Variants in EXT2 observed in about 807,000 individuals in gnomAD.
EXT2 encodes exostosin-2.
In EXT2, 53 loss-of-function variants were observed where a neutral mutation model predicts 81.6. The ratio of observed to expected loss-of-function variants is 0.65; its 90% CI spans 0.52 to 0.82. EXT2 has a LOEUF of 0.82. EXT2 is among the 40% of genes least tolerant of loss of function. EXT2 has a pLI of 0.00. For synonymous variants in EXT2, 320 were observed against 340.0 expected, an observed-to-expected ratio of 0.94 and a Z score of 0.65; for missense variants, 774 against 910.2, an observed-to-expected ratio of 0.85 and a Z score of 1.93.
At chr11:44,145,493 G>A (rs1443992642) in intron 7 of EXT2, among the ~76,000 whole-genome samples, 1 of 152,070 alleles carries the variant, frequency 6.6e-6, no homozygotes, top group African/African-American at 2.4e-5. Context: ...TATGGTCATG[G>A]GTATTTTCAT....
intron 13 of EXT2, among the ~76,000 whole-genome samples, chr11:44,242,877 T>C (rs1337969655): frequency 6.6e-6 from 1 of 152,192 alleles, no homozygotes; most frequent in Non-Finnish European, 1.5e-5. Context: ...ATGTTATTTA[T>C]CCTCTCTGTA....
intron 7 of EXT2, among the ~76,000 whole-genome samples, chr11:44,137,267 A>G (rs1395260194): frequency 1.3e-5 from 2 of 152,230 alleles, no homozygotes; most frequent in Non-Finnish European, 2.9e-5. Context: ...TAGGGCCTGT[A>G]AATAAATTTT....
rs1012971824 is a variant in EXT2 at position 44,251,384 on chromosome 11, A to G, written c.*7097A>G. On this transcript the variant is annotated 3_prime_UTR_variant, in exon 14 of 14. Coordinates refer to ENST00000533608, the MANE Select transcript of EXT2 (RefSeq NM_207122.2). Reference sequence around the variant, plus strand: ...AACATTTGGAAGTCCACTGCAGTGTATTATATGCTGTGTGGAAGTCTGGGG... The same window carrying G: ...AACATTTGGAAGTCCACTGCAGTGTGTTATATGCTGTGTGGAAGTCTGGGG... 3.9e-5 allele frequency among the ~76,000 whole-genome samples: 6 copies of G among 152,220 alleles called. No individual in the cohort carries two copies. The South Asian group carries it at 1.2e-3, about 32-fold the overall frequency.
At chr11:44,132,979 A>G (rs1954515682) in intron 7 of EXT2, among the ~76,000 whole-genome samples, 1 of 152,202 alleles carries the variant, frequency 6.6e-6, no homozygotes. Context: ...CCAGTTAGGT[A>G]TAAAGGATGA....
At chr11:44,230,540 A>T (rs1468134356) in intron 10 of EXT2, among the ~76,000 whole-genome samples, 1 of 152,174 alleles carries the variant, frequency 6.6e-6, no homozygotes, top group Non-Finnish European at 1.5e-5. Context: ...TAATTCACAG[A>T]CTGATGTCCT....
chr11:44,164,917 C>T (rs994762038), intron 7 of EXT2, among the ~76,000 whole-genome samples: 9 of 143,916 alleles, frequency 6.3e-5, no homozygotes, highest in African/African-American at 2.3e-4. Flanking sequence ...CTCGCTCTGT[C>T]GCCCAGGCTG....
At chr11:44,099,581 C>A (rs1314494059) in intron 1 of EXT2, among the ~76,000 whole-genome samples, 1 of 152,158 alleles carries the variant, frequency 6.6e-6, no homozygotes, top group Admixed American at 6.5e-5. Context: ...CTCAGCCTCC[C>A]AAAGTGCTGG....
intron 10 of EXT2, among the ~76,000 whole-genome samples, chr11:44,223,928 T>C (rs898604383): frequency 2.0e-5 from 3 of 152,122 alleles, no homozygotes; most frequent in Non-Finnish European, 4.4e-5. Context: ...TAGGATTACA[T>C]GAGTGAGCCA....
At chr11:44,134,454 G>C (rs1320878408) in intron 7 of EXT2, among the ~76,000 whole-genome samples, 1 of 152,180 alleles carries the variant, frequency 6.6e-6, no homozygotes. Flanking sequence ...AGAAAGTTGG[G>C]GCTAAAGCTG....
chr11:44,110,404 C>T (rs547504798), intron 3 of EXT2, among the ~76,000 whole-genome samples: 8 of 152,102 alleles, frequency 5.3e-5, no homozygotes, highest in Non-Finnish European at 1.0e-4. Flanking sequence ...GAGGGCAGTC[C>T]GGGTGCACAA....
At chr11:44,216,218 G>A (rs893887698) in intron 10 of EXT2, among the ~76,000 whole-genome samples, 2 of 152,180 alleles carry the variant, frequency 1.3e-5, no homozygotes, top group African/African-American at 4.8e-5. Flanking sequence ...CAATCCCCCA[G>A]CATTTAGAGT....
intron 8 of EXT2, among the ~76,000 whole-genome samples, chr11:44,191,007 T>G (rs1955384667): frequency 1.3e-5 from 2 of 152,188 alleles, no homozygotes; most frequent in Admixed American, 1.3e-4. Flanking sequence ...GTAGCTGACT[T>G]TAAGCTTAGT....
chr11:44,174,916 G>C (rs1479821145), intron 8 of EXT2, among the ~76,000 whole-genome samples: 5 of 152,240 alleles, frequency 3.3e-5, no homozygotes, highest in Non-Finnish European at 7.3e-5. Context: ...TGTGGCAACA[G>C]TGAAGGAAGC....
intron 10 of EXT2, among the ~76,000 whole-genome samples, chr11:44,208,008 T>G (rs774430443): frequency 4.6e-5 from 7 of 152,210 alleles, no homozygotes; most frequent in Non-Finnish European, 7.3e-5. Flanking sequence ...GATGTTGTTA[T>G]TGGCCAATGA....
intron 3 of EXT2, among the ~76,000 whole-genome samples, chr11:44,112,221 G>C (rs1038548286): frequency 2.0e-5 from 3 of 152,194 alleles, no homozygotes; most frequent in Non-Finnish European, 4.4e-5. Context: ...CACTGGGTTA[G>C]GGAGGGTGGA....
In EXT2 at chr11:44,198,333, A is replaced by G. The variant is rs1253359949; in HGVS notation, c.1495+315A>G. On this transcript the variant is annotated intron_variant, in intron 9 of 13. Coordinates refer to ENST00000533608, the MANE Select transcript of EXT2 (RefSeq NM_207122.2). Reference sequence around the variant, plus strand: ...TTGTTTACATGAAAACTCAGTTTAAAAGGCATTAGTTTTCTCCTTTCTTAT... The same window carrying G: ...TTGTTTACATGAAAACTCAGTTTAAGAGGCATTAGTTTTCTCCTTTCTTAT... Among the ~76,000 whole-genome samples the G allele has an allele frequency of 2.6e-5, 4 of 152,276 alleles. No individual in the cohort carries two copies. The East Asian group carries it at 7.7e-4, about 29-fold the overall frequency.
chr11:44,158,845 TG>T (rs1954891084), intron 7 of EXT2, among the ~76,000 whole-genome samples: 1 of 151,910 alleles, frequency 6.6e-6, no homozygotes, highest in Non-Finnish European at 1.5e-5. Flanking sequence ...GGGATAATTT[TG>T]CAGGGTACAG....
chr11:44,109,192 A>G lies in EXT2; in HGVS notation c.537-2A>G. The G allele has an allele frequency of 6.2e-7, 1 of 1,614,014 alleles. No individual in the cohort carries two copies. Among genetic ancestry groups the G allele is most frequent in the Non-Finnish European group, 8.5e-7 (1 of 1,179,894 alleles). On this transcript the variant is annotated splice_acceptor_variant, in intron 2 of 13. Coordinates refer to ENST00000533608, the MANE Select transcript of EXT2 (RefSeq NM_207122.2). LOFTEE classifies it high-confidence loss of function. ...TCTCCTACATTTTAAATTTCTTGAC[A>G]GGTGGGATCGAGGTACGAATCACCT...
intron 8 of EXT2, among the ~76,000 whole-genome samples, chr11:44,196,388 C>T (rs549971455): frequency 5.9e-5 from 9 of 151,872 alleles, no homozygotes; most frequent in Admixed American, 1.3e-4. Flanking sequence ...TATATCTTAA[C>T]GTACTGAGAA....
Sources: allele counts gnomAD v4.1 joint callset (sites outside exome capture counted in the v4.1 genomes callset), GRCh38; gene constraint gnomAD v4.1.1; transcripts MANE v1.5; gene names NCBI Gene and HGNC (gene_info 2026-07-23, HGNC 2026-07-21).